MYO1H: variants seen among roughly 807,000 people sequenced by gnomAD.
MYO1H encodes the protein myosin IH.
Under a neutral mutation model 149.3 loss-of-function variants are expected in MYO1H, and 118 were observed. The observed-to-expected ratio is 0.79, with a 90% CI of 0.68 to 0.92. The LOEUF (loss-of-function observed/expected upper bound fraction) is 0.92. Among genes scored for constraint, MYO1H ranks in the 40% least tolerant of loss-of-function variants. The pLI, the probability that MYO1H is intolerant of heterozygous loss-of-function variation, is 0.00. For missense variants in MYO1H, 1,212 were observed against 1,280.7 expected, an observed-to-expected ratio of 0.95 and a Z score of 0.82; for synonymous variants, 447 against 465.2, an observed-to-expected ratio of 0.96 and a Z score of 0.50.
At chr12:109,346,355 A>G (rs2048102432), upstream of MYO1H, among the ~76,000 whole-genome samples, 1 of 152,244 alleles carries the variant, frequency 6.6e-6, no homozygotes, top group Non-Finnish European at 1.5e-5. Context: ...AATCCCCCAC[A>G]GATACTGAGG....
intron 10 of MYO1H, among the ~76,000 whole-genome samples, chr12:109,408,173 A>G (rs1484702640): frequency 6.6e-6 from 1 of 151,966 alleles, no homozygotes; most frequent in Non-Finnish European, 1.5e-5. Context: ...GAAACTTTTT[A>G]TTTTTTATTT....
At chr12:109,321,293 CTG>C in the MYO1H span, among the ~76,000 whole-genome samples, 1 of 152,080 alleles carries the variant, frequency 6.6e-6, no homozygotes, top group Non-Finnish European at 1.5e-5. Context: ...TGGCTCACGC[CTG>C]TAATCCAGCA....
intron 26 of MYO1H, 102 bp from the exon 27 acceptor site, chr12:109,442,115 A>ATCT (rs1872161257): frequency 3.2e-6 from 3 of 947,060 alleles, no homozygotes; most frequent in Non-Finnish European, 5.1e-6. Flanking sequence ...CCCACCTGAG[A>ATCT]TCTTAGCACA....
chr12:109,355,195 G>A (rs912050332), intron 1 of MYO1H, among the ~76,000 whole-genome samples: 63 of 152,166 alleles, frequency 4.1e-4, no homozygotes, highest in African/African-American at 1.4e-3. Flanking sequence ...GTGTTTGGTG[G>A]AGTTTTCTGT....
At chr12:109,379,240 TA>T (rs1294806569) in intron 1 of MYO1H, among the ~76,000 whole-genome samples, 1 of 152,210 alleles carries the variant, frequency 6.6e-6, no homozygotes, top group Non-Finnish European at 1.5e-5. Flanking sequence ...AGCACTGACT[TA>T]GGGGTTAGAT....
chr12:109,426,942 GC>G (rs1405137491), intron 18 of MYO1H, among the ~76,000 whole-genome samples: 1 of 152,144 alleles, frequency 6.6e-6, no homozygotes, highest in Non-Finnish European at 1.5e-5. Context: ...TGGGACTCTG[GC>G]CTCAGGATAG....
the MYO1H span, among the ~76,000 whole-genome samples, chr12:109,332,204 TG>T: frequency 2.6e-5 from 4 of 152,330 alleles, no homozygotes; most frequent in East Asian, 7.7e-4. Context: ...TCTGCTTACT[TG>T]GAAAACAATG....
At chr12:109,381,636 C>G (rs548570773) in intron 1 of MYO1H, among the ~76,000 whole-genome samples, 1 of 151,620 alleles carries the variant, frequency 6.6e-6, no homozygotes, top group African/African-American at 2.4e-5. Flanking sequence ...GAAACCCCGT[C>G]TCTACTAAAA....
chr12:109,447,531 T>C (rs749008647), exon 32 of MYO1H: 6 of 403,742 alleles, frequency 1.5e-5, no homozygotes, highest in Non-Finnish European at 2.8e-5. Flanking sequence ...TGAGACATGA[T>C]GAAATACTGT....
chr12:109,443,355 TACACACAC>T (rs10545297), intron 27 of MYO1H, among the ~76,000 whole-genome samples, 151 bp from the exon 28 acceptor site: 881 of 74,714 alleles, frequency 0.012, 201 homozygotes, highest in Non-Finnish European at 0.014. Flanking sequence ...TGTGTGTATA[TACACACAC>T]ACACACACAC....
chr12:109,365,656 A>G (rs898627606), intron 1 of MYO1H, among the ~76,000 whole-genome samples: 1 of 152,188 alleles, frequency 6.6e-6, no homozygotes, highest in Non-Finnish European at 1.5e-5. Context: ...CTTTTGAAAA[A>G]TCAAGATGAT....
At chr12:109,403,063 G>A (rs1196700538) in intron 6 of MYO1H, among the ~76,000 whole-genome samples, 1 of 152,212 alleles carries the variant, frequency 6.6e-6, no homozygotes, top group Non-Finnish European at 1.5e-5. Flanking sequence ...TCACTCTGCA[G>A]TATATTCGCA....
At chr12:109,375,139 G>A (rs1869063057) in intron 1 of MYO1H, among the ~76,000 whole-genome samples, 1 of 146,932 alleles carries the variant, frequency 6.8e-6, no homozygotes, top group Non-Finnish European at 1.5e-5. Context: ...ACAGGCGTAA[G>A]CCACCATGCC....
At chr12:109,420,329 C>A (rs1415094390) in intron 15 of MYO1H, among the ~76,000 whole-genome samples, 2 of 152,150 alleles carry the variant, frequency 1.3e-5, no homozygotes, top group Non-Finnish European at 2.9e-5. Context: ...CAATGTCTAG[C>A]ATATTAGTCC....
intron 2 of MYO1H, among the ~76,000 whole-genome samples, chr12:109,390,124 G>A (rs1157989070): frequency 6.6e-6 from 1 of 152,050 alleles, no homozygotes; most frequent in African/African-American, 2.4e-5. Flanking sequence ...GAAGTAATAT[G>A]GGGTTTTATT....
chr12:109,324,548 C>T, the MYO1H span, among the ~76,000 whole-genome samples: 3 of 152,146 alleles, frequency 2.0e-5, no homozygotes, highest in African/African-American at 7.2e-5. Context: ...CAATGTGTCT[C>T]TTAGGTATTA....
chr12:109,411,850 G>T, intron 13 of MYO1H, 44 bp from the exon 14 acceptor site: 1 of 1,386,454 alleles, frequency 7.2e-7, no homozygotes, highest in South Asian at 1.3e-5. Flanking sequence ...TGGCATTGAT[G>T]GAGTGTGGTG....
intron 6 of MYO1H, among the ~76,000 whole-genome samples, chr12:109,403,163 G>A (rs1870236721): frequency 6.6e-6 from 1 of 152,220 alleles, no homozygotes; most frequent in African/African-American, 2.4e-5. Flanking sequence ...GGTTGTGCGG[G>A]AAGGTTTGTG....
chr12:109,355,735 C>CTTTGTTTGTTTTTTGGTTTTTCTTTTTCT (rs1868578468), intron 1 of MYO1H, among the ~76,000 whole-genome samples: 2 of 143,976 alleles, frequency 1.4e-5, no homozygotes, highest in African/African-American at 5.1e-5. Flanking sequence ...TTTTCTTTTT[C>CTTTGTTTGTTTTTTGGTTTTTCTTTTTCT]TTTTTTTTTT....
Sources: allele counts gnomAD v4.1 joint callset (sites outside exome capture counted in the v4.1 genomes callset), GRCh38; gene constraint gnomAD v4.1.1; transcripts MANE v1.5; gene names NCBI Gene and HGNC (gene_info 2026-07-23, HGNC 2026-07-21).